The following ZNF48 variants were observed in gnomAD, a reference collection of about 807,000 sequenced individuals.
ZNF48 encodes zinc finger protein 48, also known as zinc finger protein 553.
ZNF48 carries 20 observed loss-of-function variants against 40.0 expected under a neutral mutation model. That is an observed-to-expected ratio of 0.50 (90% confidence interval 0.35 to 0.73). ZNF48 has a LOEUF of 0.73. Ranked by LOEUF, ZNF48 falls within the 30% of genes least tolerant of loss-of-function variation. The pLI, the probability that ZNF48 is intolerant of heterozygous loss-of-function variation, is 0.01. For synonymous variants in ZNF48, 298 were observed against 329.7 expected (o/e 0.90, Z 1.04); for missense variants, 726 against 851.9 (o/e 0.85, Z 1.84).
chr16:30,397,360 C>G lies in ZNF48; in HGVS notation c.110C>G (p.Pro37Arg). 6.2e-7 allele frequency: 1 copy of G among 1,613,486 alleles called. No homozygotes were observed. Among genetic ancestry groups the G allele is most frequent in the South Asian group, 1.1e-5 (1 of 91,014 alleles). ...GGGAGTGAGAACGTGATTTCTCAGC[C>G]GAATGAGTTTGAACATACCCCACAG... is the stretch of plus-strand genomic sequence containing the variant. ...GLGSENVISQ[P>R]NEFEHTPQED... Residue 37 changes from proline (P) to arginine (R), a missense_variant, in exon 3 of 3, where the codon CCG becomes CGG. By Grantham distance (103) the Pro-to-Arg change is moderately radical. Coordinates refer to ENST00000613509, the MANE Select transcript of ZNF48 (RefSeq NM_001214909.2). This position sits in a 1 kb window ranked among gnomAD's most constrained non-coding sequence, Gnocchi z 4.1.
Position 30,398,062 on chromosome 16 carries a change from A to T in ZNF48, c.812A>T (p.Gln271Leu). ...ATAATQGPKAQDKPYICTDCG... is the reference protein window; with the variant it reads ...ATAATQGPKALDKPYICTDCG... ...GCAGCTACCCAGGGACCGAAGGCCC[A>T]GGACAAGCCATATATCTGCACTGAT... Residue 271 changes from glutamine to leucine, a missense_variant, in exon 3 of 3, where the codon CAG becomes CTG. Gln to Leu is a moderately radical substitution (Grantham distance 113). Transcript: ENST00000613509. The surrounding 1 kb of genome is among the most constrained non-coding windows in gnomAD (Gnocchi z 6.6). The T allele has an allele frequency of 6.2e-7, 1 of 1,612,670 alleles. No individual in the cohort carries two copies. Among genetic ancestry groups the T allele is most frequent in the Non-Finnish European group, 8.5e-7 (1 of 1,179,224 alleles).
In ZNF48 at chr16:30,381,010, C is replaced by T. The variant is rs893942319; in HGVS notation, c.-16+2600C>T. On this transcript the variant is annotated intron_variant, in intron 1 of 2. Coordinates refer to the ZNF48 transcript ENST00000528032. The surrounding 1 kb of genome is among the most constrained non-coding windows in gnomAD (Gnocchi z 4.3). Reference sequence around the variant, plus strand: ...CACCCGCCTTCCTCAGAAGCTTCTCCTACAATCTAGCCTGATGCACCATGC... The same window carrying T: ...CACCCGCCTTCCTCAGAAGCTTCTCTTACAATCTAGCCTGATGCACCATGC... The T allele has an allele frequency of 5.0e-5, 43 of 865,132 alleles. No homozygotes were observed. The highest frequency in any genetic ancestry group is 7.2e-5 in the Non-Finnish European group (37 of 517,260). 53.6% of individuals were successfully genotyped at this position (865,132 alleles called of 1,614,324 possible).
upstream of ZNF48, among the ~76,000 whole-genome samples, chr16:30,393,340 G>T (rs1167393305): frequency 6.6e-6 from 1 of 151,414 alleles, no homozygotes; most frequent in Non-Finnish European, 1.5e-5. Context: ...GCTCCCAAAG[G>T]GCTGGGATTA....
intron 1 of ZNF48, chr16:30,378,970 GT>G: frequency 1.3e-6 from 2 of 1,579,620 alleles, no homozygotes; most frequent in Non-Finnish European, 1.7e-6. Flanking sequence ...GGGGTCATGG[GT>G]GAGGCGGGAC....
At chr16:30,394,948 C>G (rs1245276308), upstream of ZNF48, 1 of 297,650 alleles carries the variant, frequency 3.4e-6, no homozygotes, top group Non-Finnish European at 6.8e-6. Context: ...GCCCAGCCCC[C>G]ATTCCATACC....
chr16:30,379,481 C>G, intron 1 of ZNF48: 1 of 1,613,924 alleles, frequency 6.2e-7, no homozygotes, highest in African/African-American at 1.3e-5. Flanking sequence ...CCGGCCGGTT[C>G]CCGCCATCCC....
Position 30,381,262 on chromosome 16 carries a change from T to C in ZNF48, c.-16+2852T>C, listed in dbSNP as rs751175211. The C allele has an allele frequency of 6.2e-7, 1 of 1,613,220 alleles. No homozygotes were observed. Among genetic ancestry groups the C allele is most frequent in the African/African-American group, 1.3e-5 (1 of 74,764 alleles). On this transcript the variant is annotated intron_variant, in intron 1 of 2. Transcript: ENST00000528032. The surrounding 1 kb of genome is among the most constrained non-coding windows in gnomAD (Gnocchi z 4.3). ...GCCGGAGCCTGCACCCAGGGATTGG[T>C]CATTGCCCAGCCTCAGGGGGCAGAG...
Position 30,382,549 on chromosome 16 carries a change from ACCTGCCGTC to A in ZNF48, c.-16+4140_-16+4148del. On this transcript the variant is annotated intron_variant, in intron 1 of 2. Transcript: ENST00000528032. The surrounding 1 kb of genome is among the most constrained non-coding windows in gnomAD (Gnocchi z 4.8). The stretch of plus-strand genomic sequence containing the variant: ...CCATGACTCCGCCAGCCATCACTGC[ACCTGCCGTC>A]TCTCCCCACTTCCTCTGGTGGGGCA... The A allele has an allele frequency of 1.3e-6, 2 of 1,589,618 alleles. No homozygotes were observed. The highest frequency in any genetic ancestry group is 1.7e-6 in the Non-Finnish European group (2 of 1,168,340).
At position 30,395,993 on chromosome 16, in the gene ZNF48, G is replaced by T; in HGVS notation, c.79+120G>T. 9.1e-7 allele frequency: 1 copy of T among 1,096,952 alleles called. No homozygotes were observed. Among genetic ancestry groups the T allele is most frequent in the Admixed American group, 3.3e-5 (1 of 30,684 alleles). 68.0% of individuals were successfully genotyped at this position (1,096,952 alleles called of 1,614,324 possible). On this transcript the variant is annotated intron_variant, in intron 2 of 2. Coordinates refer to ENST00000613509, the MANE Select transcript of ZNF48 (RefSeq NM_001214909.2). This position sits in a 1 kb window ranked among gnomAD's most constrained non-coding sequence, Gnocchi z 5.9. Reference sequence around the variant, plus strand: ...CGTGAGCTGTGCCTCTGGGGAGATAGGGGGAGGGGAGCTTTCGGAGCACCA... The same window carrying T: ...CGTGAGCTGTGCCTCTGGGGAGATATGGGGAGGGGAGCTTTCGGAGCACCA...
At chr16:30,394,329 C>A (rs535273337), upstream of ZNF48, among the ~76,000 whole-genome samples, 1 of 152,286 alleles carries the variant, frequency 6.6e-6, no homozygotes, top group Admixed American at 6.5e-5. Context: ...AATGCATAAA[C>A]CACAGTTACC....
At position 30,381,868 on chromosome 16, in the gene ZNF48, G is replaced by T. The variant is rs1176553040; in HGVS notation, c.-16+3458G>T. On this transcript the variant is annotated intron_variant, in intron 1 of 2. Transcript: ENST00000528032. The surrounding 1 kb of genome is among the most constrained non-coding windows in gnomAD (Gnocchi z 4.3). ...TACGCCCCGGCGCTCAATGGCCAGG[G>T]TCTGTGTCAAGCGAGCTGTGGGATG... 1 of 1,614,046 alleles carries T rather than the reference G, an allele frequency of 6.2e-7. No homozygotes were observed. Among genetic ancestry groups the T allele is most frequent in the Non-Finnish European group, 8.5e-7 (1 of 1,180,018 alleles).
At chr16:30,386,218 G>C (rs2049899363) in intron 1 of ZNF48, among the ~76,000 whole-genome samples, 1 of 151,998 alleles carries the variant, frequency 6.6e-6, no homozygotes, top group African/African-American at 2.4e-5. Context: ...ATTTGAGGCT[G>C]CAATGAGTCA....
At position 30,382,664 on chromosome 16, in the gene ZNF48, G is replaced by C. The variant is rs993783587; in HGVS notation, c.-16+4254G>C. 3 of 1,534,262 alleles carry C rather than the reference G, an allele frequency of 2.0e-6. No individual in the cohort carries two copies. Among genetic ancestry groups the C allele is most frequent in the Non-Finnish European group, 2.6e-6 (3 of 1,141,862 alleles). On this transcript the variant is annotated intron_variant, in intron 1 of 2. Coordinates refer to the ZNF48 transcript ENST00000528032. The surrounding 1 kb of genome is among the most constrained non-coding windows in gnomAD (Gnocchi z 4.8). Reference sequence around the variant, plus strand: ...AACTGGCCCAGTCCCAGAGAGGTGGGGAAGGCCAAGGCCAAGAACACTTGG... The same window carrying C: ...AACTGGCCCAGTCCCAGAGAGGTGGCGAAGGCCAAGGCCAAGAACACTTGG...
At chr16:30,396,294 G>A (rs980902575) in intron 2 of ZNF48, among the ~76,000 whole-genome samples, 1 of 152,092 alleles carries the variant, frequency 6.6e-6, no homozygotes. Context: ...CAAACCGTGC[G>A]TGCTCAGGTT....
At position 30,398,021 on chromosome 16, in the gene ZNF48, A is replaced by G. The variant is rs2050005516; in HGVS notation, c.771A>G (p.Pro257=). The G allele has an allele frequency of 1.9e-6, 3 of 1,612,766 alleles. No homozygotes were observed. The Admixed American group carries it at 5.0e-5, about 27-fold the overall frequency. ...GACCAGTGGTGCCCCGACGGCAGCC[A>G]TCTCGGGCAGCCACGGCAGCTACCC... ...PPRPVVPRRQ[P]SRAATAATQG... The change falls in exon 3 of 3, where the codon CCA becomes CCG. Residue 257 remains proline, a synonymous_variant. Coordinates refer to ENST00000613509, the MANE Select transcript of ZNF48 (RefSeq NM_001214909.2). The surrounding 1 kb of genome is among the most constrained non-coding windows in gnomAD (Gnocchi z 6.6).
At position 30,382,867 on chromosome 16, in the gene ZNF48, T is replaced by C; in HGVS notation, c.-16+4457T>C. ...TTAGCAGGGGAGATGAAGGTTTTGATGAGCTGATTAGAAAACAGTTCCCAG... is the reference window on the plus strand; with the variant it reads ...TTAGCAGGGGAGATGAAGGTTTTGACGAGCTGATTAGAAAACAGTTCCCAG... On this transcript the variant is annotated intron_variant, in intron 1 of 2. Coordinates refer to the ZNF48 transcript ENST00000528032. This position sits in a 1 kb window ranked among gnomAD's most constrained non-coding sequence, Gnocchi z 4.8. The C allele has an allele frequency of 1.5e-6, 2 of 1,305,294 alleles. No homozygotes were observed. The highest frequency in any genetic ancestry group is 2.5e-5 in the South Asian group (2 of 79,340). 80.9% of individuals were successfully genotyped at this position (1,305,294 alleles called of 1,614,324 possible). A position where few individuals can be genotyped will look rare whatever the true frequency, so the allele number is the denominator to read the frequency against.
At chr16:30,394,493 CAG>C (rs1159371947), upstream of ZNF48, 2 of 152,312 alleles carry the variant, frequency 1.3e-5, no homozygotes, top group Non-Finnish European at 2.9e-5. Flanking sequence ...GGATGGGAAA[CAG>C]GGCTTGTTCT....
intron 1 of ZNF48, chr16:30,378,510 A>C: frequency 6.3e-7 from 1 of 1,582,116 alleles, no homozygotes; most frequent in Non-Finnish European, 8.6e-7. Flanking sequence ...CATCTCTTGC[A>C]TGCGGCGCAG....
At position 30,389,528 on chromosome 16, in the gene ZNF48, G is replaced by A. The variant is rs140714179; in HGVS notation, c.-15-6252G>A. Among the ~76,000 whole-genome samples, 477 of 150,764 alleles carry A rather than the reference G, an allele frequency of 3.2e-3. 17 individuals are homozygous for A. The Middle Eastern group carries it at 0.045, about 14-fold the overall frequency. ...GCAGAGGTTGTGGTGAGCCGAGATCGTGCCACTGCACTCCAGCCTGGGCAA... is the reference window on the plus strand; with the variant it reads ...GCAGAGGTTGTGGTGAGCCGAGATCATGCCACTGCACTCCAGCCTGGGCAA... On this transcript the variant is annotated intron_variant, in intron 1 of 2. Coordinates refer to the ZNF48 transcript ENST00000528032.
Sources: gnomAD v4.1 joint callset for allele counts (sites outside exome capture counted in the v4.1 genomes callset) on GRCh38, gnomAD v4.1.1 for gene constraint, Gnocchi (gnomAD v3.1) non-coding constraint, MANE v1.5 for transcripts, NCBI Gene and HGNC (gene_info 2026-07-23, HGNC 2026-07-21) for gene names.